The following ANO10 variants were observed in gnomAD, a reference collection of about 807,000 sequenced individuals.
ANO10 encodes anoctamin-10.
In ANO10, 77 loss-of-function variants were observed where a neutral mutation model predicts 74.7. The observed-to-expected ratio is 1.03, with a 90% CI of 0.86 to 1.25. ANO10 has a LOEUF of 1.25. Among genes scored for constraint, ANO10 ranks in the 50% most tolerant of loss-of-function variants. The pLI is 0.00. For missense variants in ANO10, 721 were observed against 778.1 expected (o/e 0.93, Z 0.87); for synonymous variants, 279 against 284.9 (o/e 0.98, Z 0.21).
At chr3:43,465,273 T>G (rs2075565232) in intron 11 of ANO10, among the ~76,000 whole-genome samples, 1 of 152,208 alleles carries the variant, frequency 6.6e-6, no homozygotes, top group Non-Finnish European at 1.5e-5. Flanking sequence ...TGTCATAGTG[T>G]AAACATCATA....
chr3:43,601,616 T>C (rs1468208155), intron 2 of ANO10, among the ~76,000 whole-genome samples: 1 of 152,240 alleles, frequency 6.6e-6, no homozygotes, highest in Admixed American at 6.5e-5. Flanking sequence ...ATTTCTTTTA[T>C]CAAATGGATT....
Position 43,479,885 on chromosome 3 carries a change from G to A in ANO10, c.1798-47158C>T, listed in dbSNP as rs114781438. ...CTCTCTCATCCAGTGGAAGACACAA[G>A]ACTTCCTATCAAGTGAGACTGAACT... On this transcript the variant is annotated intron_variant, in intron 11 of 12. Coordinates refer to ENST00000292246, the MANE Select transcript of ANO10 (RefSeq NM_018075.5). 2.6e-3 allele frequency among the ~76,000 whole-genome samples: 396 copies of A among 152,280 alleles called. 2 individuals carry two copies. The highest frequency in any genetic ancestry group is 9.2e-3 in the African/African-American group (382 of 41,552).
At chr3:43,506,328 A>C (rs2077293737) in intron 11 of ANO10, among the ~76,000 whole-genome samples, 1 of 152,058 alleles carries the variant, frequency 6.6e-6, no homozygotes, top group South Asian at 2.1e-4. Context: ...CAACCCAACC[A>C]CTTTGGCTAC....
chr3:43,372,801 G>A, intron 12 of ANO10: 1 of 1,531,244 alleles, frequency 6.5e-7, no homozygotes, highest in Non-Finnish European at 8.8e-7. Flanking sequence ...CACTGAGTTG[G>A]TGCTCCATGA....
intron 9 of ANO10, among the ~76,000 whole-genome samples, chr3:43,556,857 G>C (rs1309762311): frequency 6.6e-6 from 1 of 152,038 alleles, no homozygotes; most frequent in Non-Finnish European, 1.5e-5. Flanking sequence ...GAACATACCA[G>C]TAAGCCTAGT....
intron 11 of ANO10, among the ~76,000 whole-genome samples, chr3:43,449,763 T>C (rs1012831785): frequency 3.3e-5 from 5 of 152,184 alleles, no homozygotes; most frequent in African/African-American, 1.2e-4. Flanking sequence ...GTGTTGGCTA[T>C]TTTGGGTCTT....
chr3:43,471,085 A>T (rs902681689), intron 11 of ANO10, among the ~76,000 whole-genome samples: 7 of 152,190 alleles, frequency 4.6e-5, no homozygotes, highest in Non-Finnish European at 1.0e-4. Context: ...ATTTTCCATT[A>T]AAGTATTTTT....
intron 6 of ANO10, 139 bp from the exon 7 acceptor site, chr3:43,575,003 C>A: frequency 1.4e-6 from 1 of 719,422 alleles, no homozygotes. Flanking sequence ...GGCTGTCAAT[C>A]ACAGCTATGC....
intron 12 of ANO10, among the ~76,000 whole-genome samples, chr3:43,429,361 A>C (rs149472331): frequency 4.6e-5 from 7 of 152,288 alleles, no homozygotes; most frequent in African/African-American, 1.7e-4. Flanking sequence ...TCTTTTTTAA[A>C]AAAGCAAATT....
At chr3:43,447,824 T>C (rs1332181507) in intron 11 of ANO10, among the ~76,000 whole-genome samples, 1 of 152,240 alleles carries the variant, frequency 6.6e-6, no homozygotes, top group African/African-American at 2.4e-5. Flanking sequence ...GTTCATCTGC[T>C]ACAATTGATG....
rs1359646306 is a variant in ANO10, at chr3:43,619,669, G to A, written c.-12+2240C>T. Among the ~76,000 whole-genome samples the A allele has an allele frequency of 3.3e-5, 5 of 151,546 alleles. No homozygotes were observed. In the East Asian group the frequency reaches 9.7e-4, roughly 29 times the overall value. ...GTTCAAGACCAGCCTGGGCAACATGGCGAAACCCTGTCTCTACAATAAATA... is the reference window on the plus strand; with the variant it reads ...GTTCAAGACCAGCCTGGGCAACATGACGAAACCCTGTCTCTACAATAAATA... On this transcript the variant is annotated intron_variant, in intron 1 of 12. Coordinates refer to ENST00000292246, the MANE Select transcript of ANO10 (RefSeq NM_018075.5).
chr3:43,428,818 A>AAAAAAAAAAAAT (rs2092938451), intron 12 of ANO10, among the ~76,000 whole-genome samples: 1 of 148,502 alleles, frequency 6.7e-6, no homozygotes. Context: ...AAAAAAAAAA[A>AAAAAAAAAAAAT]GTCATTGAAG....
chr3:43,419,558 C>G (rs2092790226), intron 12 of ANO10, among the ~76,000 whole-genome samples: 1 of 146,790 alleles, frequency 6.8e-6, no homozygotes. Flanking sequence ...GAGTCTTGCT[C>G]TGTTGCCCAG....
chr3:43,626,295 C>CTTTT (rs776440890), upstream of ANO10, among the ~76,000 whole-genome samples: 1 of 135,652 alleles, frequency 7.4e-6, no homozygotes. Context: ...ATGTTCTTCA[C>CTTTT]TTTTTTTTTT....
At chr3:43,489,709 G>T (rs1430082288) in intron 11 of ANO10, among the ~76,000 whole-genome samples, 4 of 152,018 alleles carry the variant, frequency 2.6e-5, no homozygotes, top group Non-Finnish European at 5.9e-5. Flanking sequence ...TCAATTAACT[G>T]GTATTGAAAG....
chr3:43,544,761 C>A (rs2079104999), intron 11 of ANO10, among the ~76,000 whole-genome samples: 2 of 147,446 alleles, frequency 1.4e-5, no homozygotes, highest in Admixed American at 6.8e-5. Context: ...CCACTGCACT[C>A]CAGCCTGGGT....
At chr3:43,606,647 TA>T (rs562111619) in intron 1 of ANO10, among the ~76,000 whole-genome samples, 2,758 of 141,192 alleles carry the variant, frequency 0.02, 67 homozygotes, top group African/African-American at 0.059. Flanking sequence ...ATATAACTAC[TA>T]AAAAAAAAAA....
chr3:43,535,267 C>CTTTTTTTTT (rs71616100), intron 11 of ANO10, among the ~76,000 whole-genome samples: 1 of 107,896 alleles, frequency 9.3e-6, no homozygotes. Flanking sequence ...CCTAGACATT[C>CTTTTTTTTT]TTTTTTTTTT....
At chr3:43,495,956 C>T (rs1446937246) in intron 11 of ANO10, among the ~76,000 whole-genome samples, 2 of 152,098 alleles carry the variant, frequency 1.3e-5, no homozygotes, top group Non-Finnish European at 2.9e-5. Flanking sequence ...CCACCTTGGC[C>T]TCCCAAAGTG....
Sources: gnomAD v4.1 joint callset for allele counts (sites outside exome capture counted in the v4.1 genomes callset) on GRCh38, gnomAD v4.1.1 for gene constraint, MANE v1.5 for transcripts, NCBI Gene and HGNC (gene_info 2026-07-23, HGNC 2026-07-21) for gene names.